Variants in OLFM3 observed in about 807,000 individuals in gnomAD.
The protein encoded by OLFM3 is noelin-3.
Under a neutral mutation model 48.6 loss-of-function variants are expected in OLFM3, and 20 were observed. The observed-to-expected ratio is 0.41, with a 90% CI of 0.29 to 0.60. The LOEUF (loss-of-function observed/expected upper bound fraction) is 0.60, where lower values mean the gene tolerates loss of function less well. Ranked by LOEUF, OLFM3 falls within the 20% of genes least tolerant of loss-of-function variation. OLFM3 has a pLI of 0.28. For synonymous variants in OLFM3, 222 were observed against 198.1 expected (o/e 1.12, Z -1.01); for missense variants, 437 against 544.3 (o/e 0.80, Z 1.96).
At chr1:101,988,922 A>G (rs1452384519) in intron 1 of OLFM3, among the ~76,000 whole-genome samples, 1 of 152,114 alleles carries the variant, frequency 6.6e-6, no homozygotes, top group Non-Finnish European at 1.5e-5. Flanking sequence ...AATTTGGGGT[A>G]GGGAGGAAAT....
intron 4 of OLFM3, among the ~76,000 whole-genome samples, chr1:101,820,745 GT>G (rs1557687475): frequency 6.6e-6 from 1 of 151,964 alleles, no homozygotes; most frequent in Non-Finnish European, 1.5e-5. Flanking sequence ...GACTAGCTTG[GT>G]TTTTAGCATC....
chr1:101,850,938 TAAG>T (rs36035175), intron 1 of OLFM3, among the ~76,000 whole-genome samples: 42,292 of 151,778 alleles, frequency 0.28, 6,803 homozygotes, highest in Non-Finnish European at 0.38. Context: ...AAAAAAGAGA[TAAG>T]AAGGAGGACA....
chr1:101,971,396 C>A (rs1367766249), intron 1 of OLFM3, among the ~76,000 whole-genome samples: 2 of 152,114 alleles, frequency 1.3e-5, no homozygotes, highest in Non-Finnish European at 2.9e-5. Context: ...TGTGAAATTG[C>A]AATTTACATA....
At chr1:101,895,801 T>C (rs1281336497) in intron 1 of OLFM3, among the ~76,000 whole-genome samples, 2 of 151,314 alleles carry the variant, frequency 1.3e-5, no homozygotes, top group Admixed American at 6.6e-5. Flanking sequence ...TATGTTACAC[T>C]GCAAATGAAA....
chr1:101,838,933 AC>A (rs913536893), intron 1 of OLFM3, among the ~76,000 whole-genome samples: 2 of 152,186 alleles, frequency 1.3e-5, no homozygotes, highest in African/African-American at 4.8e-5. Context: ...CTCATCACAT[AC>A]CATAAACCAC....
At chr1:101,990,664 T>C (rs1661372831) in intron 1 of OLFM3, among the ~76,000 whole-genome samples, 2 of 152,066 alleles carry the variant, frequency 1.3e-5, no homozygotes, top group Non-Finnish European at 2.9e-5. Context: ...TAAAATATTG[T>C]CATAATAGCA....
At chr1:101,850,659 CA>C (rs1349336140) in intron 1 of OLFM3, among the ~76,000 whole-genome samples, 1 of 151,772 alleles carries the variant, frequency 6.6e-6, no homozygotes, top group Non-Finnish European at 1.5e-5. Context: ...ACCTGATGAC[CA>C]CATAAAATAT....
chr1:101,865,717 C>G (rs1656833652), intron 1 of OLFM3, among the ~76,000 whole-genome samples: 1 of 152,186 alleles, frequency 6.6e-6, no homozygotes, highest in South Asian at 2.1e-4. Flanking sequence ...CTGGGAGACA[C>G]TGGCTGTAGT....
chr1:101,956,249 TATAAA>T (rs757824229), intron 1 of OLFM3, among the ~76,000 whole-genome samples: 1 of 151,764 alleles, frequency 6.6e-6, no homozygotes, highest in Admixed American at 6.6e-5. Flanking sequence ...GATATTTGAT[TATAAA>T]ATAAAATAAA....
In OLFM3 at chr1:101,980,486, G is replaced by C. The variant is rs543915432; in HGVS notation, c.69+16262C>G. On this transcript the variant is annotated intron_variant, in intron 1 of 5. Coordinates refer to ENST00000370103, the MANE Select transcript of OLFM3 (RefSeq NM_058170.4). ...AGATTTGATGGTTTTATAAGCATCT[G>C]GCATTTCTCCTGCTTGCAGTCATTC... 7.2e-5 allele frequency among the ~76,000 whole-genome samples: 11 copies of C among 152,238 alleles called. 1 individual carries two copies. The South Asian group carries it at 2.3e-3, about 32-fold the overall frequency.
chr1:101,854,841 A>T (rs1656354324), intron 1 of OLFM3, among the ~76,000 whole-genome samples: 1 of 151,952 alleles, frequency 6.6e-6, no homozygotes, highest in East Asian at 1.9e-4. Flanking sequence ...TGGTGTTCTC[A>T]TGTGTAAATT....
intron 1 of OLFM3, among the ~76,000 whole-genome samples, chr1:101,915,427 G>A (rs1290606810): frequency 6.6e-6 from 1 of 151,526 alleles, no homozygotes; most frequent in African/African-American, 2.4e-5. Flanking sequence ...ATTATTTTAA[G>A]CTAAATGAAG....
chr1:101,920,154 G>A (rs773862975), intron 1 of OLFM3, among the ~76,000 whole-genome samples: 4 of 152,070 alleles, frequency 2.6e-5, no homozygotes, highest in Admixed American at 6.6e-5. Context: ...TGTTTGTGTT[G>A]CTTCCCTACA....
At chr1:101,914,256 G>C (rs2101031335) in intron 1 of OLFM3, among the ~76,000 whole-genome samples, 1 of 152,180 alleles carries the variant, frequency 6.6e-6, no homozygotes, top group Middle Eastern at 3.4e-3. Context: ...AAACTGAATT[G>C]GGTTCCCATC....
chr1:101,923,545 G>A (rs1355938211), intron 1 of OLFM3, among the ~76,000 whole-genome samples: 1 of 151,984 alleles, frequency 6.6e-6, no homozygotes, highest in Non-Finnish European at 1.5e-5. Flanking sequence ...TCTGTTTAAA[G>A]TTTAATGTAA....
intron 1 of OLFM3, among the ~76,000 whole-genome samples, chr1:101,877,506 T>C (rs114241428): frequency 0.011 from 1,723 of 152,036 alleles, 30 homozygotes; most frequent in African/African-American, 0.038. Context: ...AAAACAACAC[T>C]ATTACATAAA....
At chr1:101,892,326 TAA>T (rs1658030677) in intron 1 of OLFM3, among the ~76,000 whole-genome samples, 1 of 151,958 alleles carries the variant, frequency 6.6e-6, no homozygotes, top group African/African-American at 2.4e-5. Flanking sequence ...CTGGTGAATA[TAA>T]GAGACCCCAG....
chr1:101,870,181 A>G (rs745499129), intron 1 of OLFM3, among the ~76,000 whole-genome samples: 1 of 152,142 alleles, frequency 6.6e-6, no homozygotes, highest in African/African-American at 2.4e-5. Context: ...ATTACAAAAT[A>G]ATTGCTTCAC....
chr1:101,902,490 G>T (rs1273757459), intron 1 of OLFM3, among the ~76,000 whole-genome samples: 1 of 151,878 alleles, frequency 6.6e-6, no homozygotes, highest in East Asian at 1.9e-4. Context: ...GTAGTAGAGA[G>T]GGAGACATTA....
Sources: allele counts gnomAD v4.1 joint callset (sites outside exome capture counted in the v4.1 genomes callset), GRCh38; gene constraint gnomAD v4.1.1; transcripts MANE v1.5; gene names NCBI Gene and HGNC (gene_info 2026-07-23, HGNC 2026-07-21).